COX10: variants seen among roughly 807,000 people sequenced by gnomAD.
COX10 encodes the protein cytochrome c oxidase assembly factor heme A:farnesyltransferase COX10.
In COX10, 27 loss-of-function variants were observed where a neutral mutation model predicts 37.3. The observed-to-expected ratio is 0.72, with a 90% confidence interval of 0.53 to 1.00. COX10 has a LOEUF of 1.00. COX10 is among the 50% of genes least tolerant of loss of function. The pLI, the probability that COX10 is intolerant of heterozygous loss-of-function variation, is 0.00. For synonymous variants in COX10, 222 were observed against 229.1 expected (o/e 0.97, Z 0.28); for missense variants, 475 against 563.2 (o/e 0.84, Z 1.59).
At position 14,141,679 on chromosome 17, in the gene COX10, T is replaced by G. The variant is rs191821278; in HGVS notation, c.625-18198T>G. 3.9e-5 allele frequency among the ~76,000 whole-genome samples: 6 copies of G among 152,214 alleles called. No homozygotes were observed. In the East Asian group the frequency reaches 1.2e-3, roughly 29 times the overall value. ...CTCAGATGATTTAGCATTACAGACT[T>G]TTTTTTGTAAAGACATTTATTATCT... On this transcript the variant is annotated intron_variant, in intron 4 of 6. Coordinates refer to ENST00000261643, the MANE Select transcript of COX10 (RefSeq NM_001303.4).
intron 5 of COX10, among the ~76,000 whole-genome samples, chr17:14,172,846 C>T (rs1404691591): frequency 1.3e-5 from 2 of 151,988 alleles, no homozygotes; most frequent in African/African-American, 2.4e-5. Flanking sequence ...AGCCAACACA[C>T]CCAGCTAATT....
At chr17:14,200,615 C>T (rs1028843074) in intron 6 of COX10, among the ~76,000 whole-genome samples, 1 of 152,170 alleles carries the variant, frequency 6.6e-6, no homozygotes, top group African/African-American at 2.4e-5. Context: ...GGGATTTCAG[C>T]TCCATGCTCT....
At chr17:14,199,857 T>C (rs1380647036) in intron 6 of COX10, among the ~76,000 whole-genome samples, 2 of 152,174 alleles carry the variant, frequency 1.3e-5, no homozygotes, top group Non-Finnish European at 2.9e-5. Context: ...TCTGTGACCA[T>C]GAAGCTCTGG....
At chr17:14,181,932 G>C (rs1295782518) in intron 5 of COX10, 1 of 925,788 alleles carries the variant, frequency 1.1e-6, no homozygotes, top group Admixed American at 6.2e-5. Context: ...GGGTCACCAC[G>C]TACTCCCCTC....
rs1420729594 is a variant in COX10, at chr17:14,074,427, T to G, written c.148T>G (p.Phe50Val). 2 of 1,613,962 alleles carry G rather than the reference T, an allele frequency of 1.2e-6. No individual in the cohort carries two copies. Among genetic ancestry groups the G allele is most frequent in the Non-Finnish European group, 1.7e-6 (2 of 1,179,822 alleles). ...LRNVNKQWIT[F>V]QHFSFLKRMY... The stretch of plus-strand genomic sequence containing the variant: ...GAATGTCAATAAGCAGTGGATTACA[T>G]TTCAGCACTTTAGCTTCCTCAAACG... The change falls in exon 2 of 7, where the codon TTT becomes GTT. Residue 50 changes from phenylalanine (F) to valine (V), a missense_variant. Phe to Val is a conservative substitution (Grantham distance 50, BLOSUM62 -1). This residue lies in a region of COX10 where 242 missense variants were observed against 242.5 expected (regional missense o/e 1.00). Transcript: ENST00000261643.
At chr17:14,072,918 T>C (rs936593838) in intron 1 of COX10, among the ~76,000 whole-genome samples, 10 of 152,124 alleles carry the variant, frequency 6.6e-5, no homozygotes, top group Admixed American at 4.6e-4. Context: ...AAAAATTAGA[T>C]GATGGGAACA....
rs1383072589 is a variant in COX10, at chr17:14,159,942, G to C, written c.690G>C (p.Gln230His). 6.2e-7 allele frequency: 1 copy of C among 1,611,846 alleles called. No homozygotes were observed. Among genetic ancestry groups the C allele is most frequent in the East Asian group, 2.2e-5 (1 of 44,800 alleles). Residue 230 changes from glutamine (Q) to histidine (H), a missense_variant, in exon 5 of 7, where the codon CAG becomes CAC. By Grantham distance (24) the Gln-to-His change is conservative (BLOSUM62 0). This residue lies in a region of COX10 where 54 missense variants were observed against 70.6 expected (regional missense o/e 0.76). Transcript: ENST00000261643. ...AGAACAGACCGCTGGTTCGTGGACAGATCAGGTAAAATCACGAATACAAGT... is the reference window on the plus strand; with the variant it reads ...AGAACAGACCGCTGGTTCGTGGACACATCAGGTAAAATCACGAATACAAGT... ...RTKNRPLVRG[Q>H]ISPLLAVSFA...
intron 4 of COX10, among the ~76,000 whole-genome samples, chr17:14,156,213 A>G (rs2142236885): frequency 6.6e-6 from 1 of 152,218 alleles, no homozygotes; most frequent in South Asian, 2.1e-4. Flanking sequence ...TTGCACAGCC[A>G]CTATTAAATG....
In COX10 at chr17:14,164,860, A is replaced by G. The variant is rs1011334808; in HGVS notation, c.695+4913A>G. Among the ~76,000 whole-genome samples the G allele has an allele frequency of 5.5e-4, 84 of 152,338 alleles. 1 individual carries two copies. Among genetic ancestry groups the G allele is most frequent in the African/African-American group, 1.9e-3 (81 of 41,584 alleles). On this transcript the variant is annotated intron_variant, in intron 5 of 6. Coordinates refer to ENST00000261643, the MANE Select transcript of COX10 (RefSeq NM_001303.4). The stretch of plus-strand genomic sequence containing the variant: ...GGAGAGGTGTCATTGTTATGTGTAT[A>G]TCAGGTGATTAGGATGAAAGAGATC...
At chr17:14,174,996 AC>A (rs1427604044) in intron 5 of COX10, among the ~76,000 whole-genome samples, 1 of 88,446 alleles carries the variant, frequency 1.1e-5, no homozygotes, top group Non-Finnish European at 2.6e-5. Context: ...GAGACAAAAG[AC>A]AGCATGTCGT....
intron 4 of COX10, among the ~76,000 whole-genome samples, chr17:14,111,991 G>A (rs1916012927): frequency 6.6e-6 from 1 of 152,156 alleles, no homozygotes; most frequent in Non-Finnish European, 1.5e-5. Flanking sequence ...ATTAAGGACA[G>A]AATTTACTGA....
Position 14,191,778 on chromosome 17 carries a change from A to T in COX10, c.696-211A>T, listed in dbSNP as rs375353520. 2.1e-4 allele frequency among the ~76,000 whole-genome samples: 32 copies of T among 152,326 alleles called. 1 individual carries two copies. In the East Asian group the frequency reaches 5.4e-3, roughly 26 times the overall value. The stretch of plus-strand genomic sequence containing the variant: ...AACCACTTTACTCTTAGCTAGCAAA[A>T]TCAAGAAGAGCAGCCAGAGCTCCCA... On this transcript the variant is annotated intron_variant, in intron 5 of 6. Transcript: ENST00000261643.
At chr17:14,174,371 A>C (rs1905586878) in intron 5 of COX10, among the ~76,000 whole-genome samples, 1 of 150,972 alleles carries the variant, frequency 6.6e-6, no homozygotes, top group Non-Finnish European at 1.5e-5. Flanking sequence ...AGGAGGGAGG[A>C]TCACTTGAGC....
chr17:14,124,032 A>C (rs1188748551), intron 4 of COX10, among the ~76,000 whole-genome samples: 1 of 152,174 alleles, frequency 6.6e-6, no homozygotes, highest in Non-Finnish European at 1.5e-5. Context: ...CAACAGTTAC[A>C]GTTGATTGCA....
intron 5 of COX10, among the ~76,000 whole-genome samples, chr17:14,164,540 A>G (rs1905236745): frequency 6.6e-6 from 1 of 152,092 alleles, no homozygotes; most frequent in African/African-American, 2.4e-5. Context: ...CCAGAATTAT[A>G]TTTTCAGGAT....
At chr17:14,138,485 G>A (rs1904445252) in intron 4 of COX10, among the ~76,000 whole-genome samples, 1 of 152,112 alleles carries the variant, frequency 6.6e-6, no homozygotes, top group Non-Finnish European at 1.5e-5. Context: ...GGCAACCACT[G>A]TATTGGTAGC....
At chr17:14,095,603 A>C (rs1250338539) in intron 3 of COX10, among the ~76,000 whole-genome samples, 1 of 152,164 alleles carries the variant, frequency 6.6e-6, no homozygotes, top group Non-Finnish European at 1.5e-5. Flanking sequence ...TTATTGTTTC[A>C]CTGTTTCAAC....
chr17:14,186,445 C>T (rs562280660), intron 5 of COX10, among the ~76,000 whole-genome samples: 63 of 152,004 alleles, frequency 4.1e-4, no homozygotes, highest in Non-Finnish European at 1.5e-4. Flanking sequence ...ACCCATCCAT[C>T]GGGTCTCAGT....
At chr17:14,142,050 A>G (rs972548745) in intron 4 of COX10, among the ~76,000 whole-genome samples, 2 of 152,294 alleles carry the variant, frequency 1.3e-5, no homozygotes, top group East Asian at 1.9e-4. Flanking sequence ...TAACATCGTC[A>G]TTGCTTATGT....
Sources: gnomAD v4.1 joint callset for allele counts (sites outside exome capture counted in the v4.1 genomes callset) on GRCh38, gnomAD v4.1.1 for gene constraint, gnomAD v4.1.1 regional missense constraint, MANE v1.5 for transcripts, NCBI Gene and HGNC (gene_info 2026-07-23, HGNC 2026-07-21) for gene names.